Variants in TBC1D4 observed in about 807,000 individuals in gnomAD.
The protein encoded by TBC1D4 is TBC1 domain family member 4.
In TBC1D4, 121 loss-of-function variants were observed where a neutral mutation model predicts 142.5. The ratio of observed to expected loss-of-function variants is 0.85; its 90% CI spans 0.73 to 0.99. The LOEUF (loss-of-function observed/expected upper bound fraction) is 0.99, where lower values mean the gene tolerates loss of function less well. Ranked by LOEUF, TBC1D4 falls within the 50% of genes least tolerant of loss-of-function variation. The pLI is 0.00. For missense variants in TBC1D4, 1,475 were observed against 1,606.6 expected, an observed-to-expected ratio of 0.92 and a Z score of 1.40; for synonymous variants, 630 against 628.2, an observed-to-expected ratio of 1.00 and a Z score of -0.04.
intron 1 of TBC1D4, among the ~76,000 whole-genome samples, chr13:75,449,230 A>ATG (rs555081826): frequency 6.4e-4 from 97 of 151,962 alleles, no homozygotes; most frequent in African/African-American, 2.2e-3. Flanking sequence ...ATTGAACCAT[A>ATG]TGTGTGTGTG....
At chr13:75,364,147 G>C (rs1454591254) in intron 1 of TBC1D4, among the ~76,000 whole-genome samples, 6 of 152,220 alleles carry the variant, frequency 3.9e-5, no homozygotes, top group Non-Finnish European at 8.8e-5. Context: ...AAGATTTCCT[G>C]ATTGGCAATT....
At chr13:75,302,515 A>T (rs1053763769) in intron 15 of TBC1D4, 114 bp from the exon 16 acceptor site, 7 of 1,139,484 alleles carry the variant, frequency 6.1e-6, no homozygotes, top group Non-Finnish European at 9.1e-6. Flanking sequence ...ACTGCATGCC[A>T]CCCTAAGACC....
chr13:75,288,380 T>C (rs937534422), intron 20 of TBC1D4, among the ~76,000 whole-genome samples: 1 of 152,164 alleles, frequency 6.6e-6, no homozygotes, highest in Non-Finnish European at 1.5e-5. Flanking sequence ...TTGAGAGATT[T>C]CCCTCTTGAC....
At chr13:75,386,746 T>A (rs965643743) in intron 1 of TBC1D4, among the ~76,000 whole-genome samples, 1 of 152,134 alleles carries the variant, frequency 6.6e-6, no homozygotes, top group Non-Finnish European at 1.5e-5. Flanking sequence ...AAAACACTCA[T>A]CCAGAGAATA....
At chr13:75,346,580 C>T (rs1227058441) in intron 5 of TBC1D4, among the ~76,000 whole-genome samples, 1 of 152,128 alleles carries the variant, frequency 6.6e-6, no homozygotes, top group Non-Finnish European at 1.5e-5. Context: ...CAAGTCTTTG[C>T]TAGTGTGGAT....
chr13:75,297,117 T>G (rs531988110), intron 17 of TBC1D4, among the ~76,000 whole-genome samples: 1 of 152,350 alleles, frequency 6.6e-6, no homozygotes, highest in South Asian at 2.1e-4. Flanking sequence ...TCCCCAATAC[T>G]GCGGCCTACA....
At chr13:75,379,887 CTTTTTTTTTTTTTTTTTTTTT>C (rs750734086) in intron 1 of TBC1D4, among the ~76,000 whole-genome samples, 5 of 98,604 alleles carry the variant, frequency 5.1e-5, no homozygotes, top group Admixed American at 1.2e-4. Flanking sequence ...TCATCTGACT[CTTTTTTTTTTTTTTTTTTTTT>C]TTTTTTTTTT....
intron 1 of TBC1D4, among the ~76,000 whole-genome samples, chr13:75,364,157 TG>T: frequency 1.3e-5 from 2 of 152,294 alleles, no homozygotes; most frequent in South Asian, 4.1e-4. Context: ...GATTGGCAAT[TG>T]GTTCCTAGAG....
chr13:75,419,390 G>T (rs1886064189), intron 1 of TBC1D4, among the ~76,000 whole-genome samples: 1 of 152,102 alleles, frequency 6.6e-6, no homozygotes, highest in African/African-American at 2.4e-5. Context: ...AACAATGTAT[G>T]TATCTAGTAA....
In TBC1D4 at chr13:75,326,382, C is replaced by T. The variant is rs778659370; in HGVS notation, c.1848G>A (p.Ala616=). ...PGDSPPGTPP[A]SPPSSAWQTF... is the part of the protein sequence containing the mutation. ...TTTGCCAAGCTGAGGACGGTGGGGA[C>T]GCTGGCGGTGTCCCTGGTGGAGAAT... The change falls in exon 10 of 21, where the codon GCG becomes GCA. Residue 616 remains alanine (A), a synonymous_variant. Coordinates refer to ENST00000377636, the MANE Select transcript of TBC1D4 (RefSeq NM_014832.5). 34 of 1,613,950 alleles carry T rather than the reference C, an allele frequency of 2.1e-5. No individual in the cohort carries two copies. The South Asian group carries it at 2.4e-4, about 11-fold the overall frequency.
At chr13:75,440,270 G>T (rs75661088) in intron 1 of TBC1D4, among the ~76,000 whole-genome samples, 1 of 152,124 alleles carries the variant, frequency 6.6e-6, no homozygotes, top group African/African-American at 2.4e-5. Context: ...CTCTTCAAAG[G>T]GGGAGCAGAA....
At chr13:75,345,337 A>G (rs564450348) in intron 5 of TBC1D4, among the ~76,000 whole-genome samples, 1 of 152,310 alleles carries the variant, frequency 6.6e-6, no homozygotes, top group African/African-American at 2.4e-5. Context: ...CTTACTATTA[A>G]TATCAGAGTA....
At chr13:75,380,803 A>G (rs1883800582) in intron 1 of TBC1D4, among the ~76,000 whole-genome samples, 1 of 152,166 alleles carries the variant, frequency 6.6e-6, no homozygotes, top group Admixed American at 6.5e-5. Flanking sequence ...AAGAGTTTTC[A>G]TCATCACCAT....
chr13:75,461,881 T>C (rs1887984806), intron 1 of TBC1D4, among the ~76,000 whole-genome samples: 1 of 152,242 alleles, frequency 6.6e-6, no homozygotes, highest in African/African-American at 2.4e-5. Context: ...CCCAACAATG[T>C]GTACTATCTC....
At chr13:75,409,030 T>C (rs1436146351) in intron 1 of TBC1D4, among the ~76,000 whole-genome samples, 1 of 102,666 alleles carries the variant, frequency 9.7e-6, no homozygotes, top group Non-Finnish European at 1.9e-5. Flanking sequence ...TGCATATATA[T>C]ATACACACAC....
intron 1 of TBC1D4, among the ~76,000 whole-genome samples, chr13:75,393,941 C>T (rs919383764): frequency 1.7e-5 from 2 of 115,948 alleles, no homozygotes; most frequent in Non-Finnish European, 3.7e-5. Flanking sequence ...AAAAAAAAAA[C>T]AAAAAAACAA....
intron 16 of TBC1D4, among the ~76,000 whole-genome samples, 188 bp downstream of exon 16, chr13:75,302,055 C>T (rs562643349): frequency 3.9e-5 from 6 of 152,112 alleles, no homozygotes; most frequent in Non-Finnish European, 7.3e-5. Flanking sequence ...TCATTTAACA[C>T]GCAGGCATTT....
At chr13:75,384,725 A>C in intron 1 of TBC1D4, among the ~76,000 whole-genome samples, 1 of 152,266 alleles carries the variant, frequency 6.6e-6, no homozygotes, top group East Asian at 1.9e-4. Flanking sequence ...GGGCTGATTC[A>C]GAAAAAAAAG....
intron 1 of TBC1D4, among the ~76,000 whole-genome samples, chr13:75,372,121 A>G (rs1282830740): frequency 6.6e-6 from 1 of 152,156 alleles, no homozygotes; most frequent in Non-Finnish European, 1.5e-5. Flanking sequence ...TGGAAAAATA[A>G]AGAACGTTCT....
Sources: allele counts gnomAD v4.1 joint callset (sites outside exome capture counted in the v4.1 genomes callset), GRCh38; gene constraint gnomAD v4.1.1; transcripts MANE v1.5; gene names NCBI Gene and HGNC (gene_info 2026-07-23, HGNC 2026-07-21).